Variants in PLCH1 observed in about 807,000 individuals in gnomAD.
The protein encoded by PLCH1 is 1-phosphatidylinositol 4,5-bisphosphate phosphodiesterase eta-1.
A neutral mutation model predicts 126.7 loss-of-function variants in PLCH1; 60 were observed. That is an observed-to-expected ratio of 0.47 (90% CI 0.38 to 0.59). The LOEUF is 0.59. Among genes scored for constraint, PLCH1 ranks in the 20% least tolerant of loss-of-function variants. The probability of loss-of-function intolerance (pLI) is 0.00; values close to 1 mark genes in which losing one functional copy is unlikely to be tolerated. For missense variants in PLCH1, 1,723 were observed against 2,040.0 expected, an observed-to-expected ratio of 0.84 and a Z score of 2.99; for synonymous variants, 719 against 734.9, an observed-to-expected ratio of 0.98 and a Z score of 0.35.
At chr3:155,559,719 C>T (rs947580879) in intron 8 of PLCH1, among the ~76,000 whole-genome samples, 1 of 152,136 alleles carries the variant, frequency 6.6e-6, no homozygotes, top group African/African-American at 2.4e-5. Context: ...CTCGTTTGTA[C>T]AAGTATCTGG....
intron 2 of PLCH1, among the ~76,000 whole-genome samples, chr3:155,625,459 C>T (rs1470990329): frequency 6.6e-6 from 1 of 151,992 alleles, no homozygotes; most frequent in Non-Finnish European, 1.5e-5. Context: ...AACAAGCAAC[C>T]TAAAGAATGA....
At position 155,482,615 on chromosome 3, in the gene PLCH1, G is replaced by A; in HGVS notation, c.3411C>T (p.Gly1137=). The A allele has an allele frequency of 1.2e-6, 2 of 1,614,158 alleles. No individual in the cohort carries two copies. The highest frequency in any genetic ancestry group is 1.7e-6 in the Non-Finnish European group (2 of 1,180,020). The change falls in exon 23 of 23, where the codon GGC becomes GGT. Residue 1137 remains glycine, a synonymous_variant. Transcript: ENST00000460012. ...IKNLEGNRGK[G]RAATSFSLSD... is the part of the protein sequence containing the mutation. ...ACAAAGAAAAGGATGTTGCAGCTCGGCCCTTACCCCTATTACCTTCCAGGT... is the reference window on the plus strand; with the variant it reads ...ACAAAGAAAAGGATGTTGCAGCTCGACCCTTACCCCTATTACCTTCCAGGT...
chr3:155,587,514 C>T (rs965887124), intron 4 of PLCH1, among the ~76,000 whole-genome samples: 1 of 152,220 alleles, frequency 6.6e-6, no homozygotes, highest in African/African-American at 2.4e-5. Context: ...TCTGTCTCTA[C>T]ACCACGCTTC....
intron 1 of PLCH1, among the ~76,000 whole-genome samples, chr3:155,712,675 G>C (rs1747218609): frequency 6.6e-6 from 1 of 152,134 alleles, no homozygotes; most frequent in Non-Finnish European, 1.5e-5. Flanking sequence ...AAGAGACGGA[G>C]GTAGCAGTAA....
In PLCH1 at chr3:155,482,944, C is replaced by T. The variant is rs202119307; in HGVS notation, c.3082G>A (p.Asp1028Asn). 89 of 1,614,162 alleles carry T rather than the reference C, an allele frequency of 5.5e-5. No homozygotes were observed. The Middle Eastern group carries it at 9.9e-4, about 18-fold the overall frequency. Residue 1028 changes from aspartate (D) to asparagine (N), a missense_variant, in exon 23 of 23, where the codon GAT becomes AAT. Physicochemically the swap from Asp to Asn is conservative, Grantham distance 23. Transcript: ENST00000460012. ...ACAATGGTGTCCCCTTGGCTGGTATCTTTGTGGAGCAGAGCACTGGAGGAG... is the reference window on the plus strand; with the variant it reads ...ACAATGGTGTCCCCTTGGCTGGTATTTTTGTGGAGCAGAGCACTGGAGGAG... The part of the protein sequence containing the change: ...SSSSSALLHK[D>N]TSQGDTIVST...
chr3:155,694,518 T>C (rs1200949116), intron 2 of PLCH1, among the ~76,000 whole-genome samples: 3 of 152,194 alleles, frequency 2.0e-5, no homozygotes, highest in Non-Finnish European at 4.4e-5. Flanking sequence ...TAGAAATGCA[T>C]TGATGTTCAA....
intron 1 of PLCH1, among the ~76,000 whole-genome samples, chr3:155,730,644 C>G (rs574878539): frequency 6.6e-6 from 1 of 152,136 alleles, no homozygotes; most frequent in East Asian, 1.9e-4. Flanking sequence ...AAATATGCAG[C>G]CATTAAATAA....
chr3:155,689,179 C>G (rs185955160), intron 2 of PLCH1, among the ~76,000 whole-genome samples: 1 of 152,318 alleles, frequency 6.6e-6, no homozygotes, highest in East Asian at 1.9e-4. Context: ...GCCTGGTAAT[C>G]TAGAAAATTC....
intron 11 of PLCH1, among the ~76,000 whole-genome samples, chr3:155,520,477 G>A (rs1205885120): frequency 6.6e-6 from 1 of 152,178 alleles, no homozygotes; most frequent in Non-Finnish European, 1.5e-5. Flanking sequence ...TCAGCTTTAC[G>A]TAGGAGATAC....
intron 2 of PLCH1, among the ~76,000 whole-genome samples, chr3:155,621,513 A>T (rs564399886): frequency 6.6e-6 from 1 of 152,338 alleles, no homozygotes; most frequent in African/African-American, 2.4e-5. Context: ...AAGAACCTTG[A>T]AAAAAGGTTA....
chr3:155,464,302 T>C (rs893839660), intron 21 of PLCH1, among the ~76,000 whole-genome samples: 1 of 152,204 alleles, frequency 6.6e-6, no homozygotes, highest in African/African-American at 2.4e-5. Context: ...CTATGCAAGC[T>C]TATGGAACCT....
chr3:155,659,853 C>T (rs958299578), intron 2 of PLCH1, among the ~76,000 whole-genome samples: 17 of 152,104 alleles, frequency 1.1e-4, no homozygotes, highest in Admixed American at 9.8e-4. Flanking sequence ...AGGATAGACT[C>T]GAACTCCTGG....
intron 4 of PLCH1, among the ~76,000 whole-genome samples, chr3:155,590,599 A>T (rs1464244328): frequency 6.6e-6 from 1 of 150,968 alleles, no homozygotes; most frequent in Non-Finnish European, 1.5e-5. Flanking sequence ...AAATACAAAA[A>T]ATTAGCCTGG....
Position 155,504,605 on chromosome 3 carries a change from C to T in PLCH1, c.1654G>A (p.Gly552Arg), listed in dbSNP as rs144535995. 80 of 1,606,638 alleles carry T rather than the reference C, an allele frequency of 5.0e-5. No homozygotes were observed. In the African/African-American group the frequency reaches 9.7e-4, roughly 20 times the overall value. ...LKQSPDVKES[G>R]KKSHGRSLMT... ...AGGGATCGTCCATGTGATTTCTTTC[C>T]ACTTTCCTTTACATCTGGACTCTGA... The change falls in exon 13 of 23, where the codon GGA becomes AGA. Residue 552 changes from glycine to arginine, a missense_variant. Physicochemically the swap from Gly to Arg is moderately radical, Grantham distance 125. Coordinates refer to ENST00000460012, the MANE Select transcript of PLCH1 (RefSeq NM_014996.4).
intron 7 of PLCH1, among the ~76,000 whole-genome samples, chr3:155,566,112 C>CATATATATGT (rs1486262441): frequency 4.1e-5 from 2 of 48,862 alleles, no homozygotes; most frequent in African/African-American, 1.0e-4. Flanking sequence ...TATATATATA[C>CATATATATGT]ATATATATAT....
rs1718003474 is a variant in PLCH1 at position 155,502,149 on chromosome 3, G to T, written c.1705-1355C>A. ...ATGCCTTGAGTACCTCAGCTTGCAG[G>T]TATGGAAGCCCTACCATTTGATGAT... On this transcript the variant is annotated intron_variant, in intron 13 of 22. Transcript: ENST00000460012. Among the ~76,000 whole-genome samples the T allele has an allele frequency of 2.0e-5, 3 of 152,164 alleles. No individual in the cohort carries two copies. In the South Asian group the frequency reaches 6.2e-4, roughly 32 times the overall value.
At chr3:155,602,957 G>A (rs1366935039) in intron 2 of PLCH1, among the ~76,000 whole-genome samples, 1 of 152,126 alleles carries the variant, frequency 6.6e-6, no homozygotes, top group Admixed American at 6.5e-5. Context: ...ACTTCTAGCA[G>A]TAATATGCAC....
chr3:155,741,684 C>CTTTTATTTTTTTTTTATTTTTTTTTTTT, intron 1 of PLCH1, among the ~76,000 whole-genome samples: 13 of 102,860 alleles, frequency 1.3e-4, no homozygotes, highest in Non-Finnish European at 1.9e-4. Context: ...TTTATATCCT[C>CTTTTATTTTTTTTTTATTTTTTTTTTTT]TTTTTTTTTT....
At chr3:155,536,150 T>C (rs1029971717) in intron 10 of PLCH1, among the ~76,000 whole-genome samples, 5 of 152,364 alleles carry the variant, frequency 3.3e-5, no homozygotes, top group African/African-American at 7.2e-5. Context: ...AAGACCACCC[T>C]GTGGGACAAA....
Sources: allele counts gnomAD v4.1 joint callset (sites outside exome capture counted in the v4.1 genomes callset), GRCh38; gene constraint gnomAD v4.1.1; transcripts MANE v1.5; gene names NCBI Gene and HGNC (gene_info 2026-07-23, HGNC 2026-07-21).